Variants in LCTL observed in about 807,000 individuals in gnomAD.
LCTL encodes lactase like.
LCTL carries 76 observed loss-of-function variants against 75.8 expected under a neutral mutation model. The ratio of observed to expected loss-of-function variants is 1.00; its 90% CI spans 0.83 to 1.21. The LOEUF (loss-of-function observed/expected upper bound fraction) is 1.21. Among genes scored for constraint, LCTL ranks in the 50% most tolerant of loss-of-function variants. The probability of loss-of-function intolerance (pLI) is 0.00; values close to 1 mark genes in which losing one functional copy is unlikely to be tolerated. For synonymous variants in LCTL, 271 were observed against 268.8 expected (o/e 1.01, Z -0.08); for missense variants, 670 against 712.4 (o/e 0.94, Z 0.68).
chr15:66,560,409 G>A lies in LCTL; in HGVS notation c.705+597C>T, dbSNP rs577880432. Among the ~76,000 whole-genome samples, 494 of 152,114 alleles carry A rather than the reference G, an allele frequency of 3.2e-3. 2 individuals are homozygous for A. The highest frequency in any genetic ancestry group is 0.011 in the African/African-American group (477 of 41,506). ...CCTTCCTTCCTGCAGCATCTTCTCCGAATGGCCCCTTTACTCTCTTGTGTG... is the reference window on the plus strand; with the variant it reads ...CCTTCCTTCCTGCAGCATCTTCTCCAAATGGCCCCTTTACTCTCTTGTGTG... On this transcript the variant is annotated intron_variant, in intron 6 of 12. Transcript: ENST00000341509.
At chr15:66,563,794 C>T (rs1281126853) in intron 3 of LCTL, 117 bp downstream of exon 4, 7 of 899,692 alleles carry the variant, frequency 7.8e-6, no homozygotes, top group Middle Eastern at 2.6e-4. Context: ...GAGCTGCTAC[C>T]GTCAGCAACT....
chr15:66,564,481 T>C (rs1895971387), intron 2 of LCTL, 195 bp downstream of exon 3: 12 of 604,606 alleles, frequency 2.0e-5, no homozygotes, highest in South Asian at 1.9e-4. Flanking sequence ...CCTCACATCC[T>C]GGCCCCTCCC....
At chr15:66,565,274 G>A in exon 1 of LCTL, 1 of 1,613,088 alleles carries the variant, frequency 6.2e-7, no homozygotes, top group Non-Finnish European at 8.5e-7. Flanking sequence ...ATAGTAGAAG[G>A]AGGCCTCTTC....
At chr15:66,558,084 C>T in intron 6 of LCTL, 48 bp from the exon 8 acceptor site, 1 of 1,519,284 alleles carries the variant, frequency 6.6e-7, no homozygotes, top group Non-Finnish European at 8.9e-7. Flanking sequence ...CCATCCATTT[C>T]CTCCCTTTCA....
rs770238410 is a variant in LCTL, at chr15:66,564,644, C to T, written c.282+32G>A. On this transcript the variant is annotated intron_variant, in intron 2 of 12. Transcript: ENST00000341509. ...GTACTCACATGTGTGTGCACGCGCGCGCACACACACACACTCACACCCCGC... is the reference window on the plus strand; with the variant it reads ...GTACTCACATGTGTGTGCACGCGCGTGCACACACACACACTCACACCCCGC... 4.4e-5 allele frequency: 71 copies of T among 1,601,546 alleles called. 1 individual carries two copies. Among genetic ancestry groups the T allele is most frequent in the Middle Eastern group, 1.7e-4 (1 of 6,048 alleles).
At chr15:66,553,754 C>CAAAA (rs35718768) in intron 8 of LCTL, among the ~76,000 whole-genome samples, 1 of 73,064 alleles carries the variant, frequency 1.4e-5, no homozygotes, top group Non-Finnish European at 2.8e-5. Flanking sequence ...GACTCCATCT[C>CAAAA]AAAAAAAAAA....
At chr15:66,550,090 G>A in exon 12 of LCTL, 1 of 1,602,254 alleles carries the variant, frequency 6.2e-7, no homozygotes, top group Non-Finnish European at 8.5e-7. Flanking sequence ...AAGCTTTGAG[G>A]TACCAACTTT....
intron 12 of LCTL, 74 bp from the exon 14 acceptor site, chr15:66,548,679 G>T: frequency 1.4e-6 from 1 of 709,460 alleles, no homozygotes; most frequent in Non-Finnish European, 2.4e-6. Flanking sequence ...TATCCCAAAA[G>T]CTTTAACTGT....
chr15:66,559,201 A>G (rs1273976492), intron 6 of LCTL, among the ~76,000 whole-genome samples: 2 of 152,110 alleles, frequency 1.3e-5, no homozygotes, highest in Non-Finnish European at 2.9e-5. Flanking sequence ...CATTTATTAA[A>G]TTATTTTGAT....
chr15:66,565,499 G>T (rs1896005132), upstream of LCTL: 1 of 604,936 alleles, frequency 1.7e-6, no homozygotes, highest in Non-Finnish European at 2.9e-6. Context: ...CGCTTGATCT[G>T]CACCCAGCAG....
Position 66,552,035 on chromosome 15 carries a change from T to C in LCTL, c.1324+8A>G, listed in dbSNP as rs780816817. On this transcript the variant is annotated splice_region_variant and intron_variant, in intron 10 of 12. Coordinates refer to ENST00000341509, the Ensembl canonical transcript of LCTL. ...GAAAACTGCAGACAATCTTGGTTTGTGTCTCACCTTTTAGCATTTCATTTA... is the reference window on the plus strand; with the variant it reads ...GAAAACTGCAGACAATCTTGGTTTGCGTCTCACCTTTTAGCATTTCATTTA... The C allele has an allele frequency of 1.9e-6, 3 of 1,607,824 alleles. No individual in the cohort carries two copies. Among genetic ancestry groups the C allele is most frequent in the Non-Finnish European group, 2.5e-6 (3 of 1,178,014 alleles).
chr15:66,553,226 A>T, exon 9 of LCTL: 1 of 1,599,648 alleles, frequency 6.3e-7, no homozygotes, highest in South Asian at 1.1e-5. Context: ...GGTAACCTCG[A>T]CATCTCCAGG....
intron 8 of LCTL, among the ~76,000 whole-genome samples, chr15:66,555,496 G>A (rs147365787): frequency 0.012 from 1,861 of 151,678 alleles, 28 homozygotes; most frequent in African/African-American, 0.042. Flanking sequence ...AGCCGAGATC[G>A]CACCACTGCA....
Position 66,557,886 on chromosome 15 carries a change from TAAAAG to T in LCTL, c.761-8_761-4del, listed in dbSNP as rs1339568029. The T allele has an allele frequency of 2.5e-6, 4 of 1,613,290 alleles. No homozygotes were observed. The highest frequency in any genetic ancestry group is 3.4e-6 in the Non-Finnish European group (4 of 1,179,598). The stretch of plus-strand genomic sequence containing the variant: ...GTTCAATGAAATTCCCACCAGACCT[TAAAAG>T]AAAAGAAAGAAAAGGGAGTGGGGAG... On this transcript the variant is annotated splice_region_variant and splice_polypyrimidine_tract_variant and intron_variant, in intron 7 of 12. Coordinates refer to ENST00000341509, the Ensembl canonical transcript of LCTL.
intron 6 of LCTL, among the ~76,000 whole-genome samples, chr15:66,560,557 G>A (rs929516929): frequency 1.3e-5 from 2 of 152,066 alleles, no homozygotes; most frequent in African/African-American, 2.4e-5. Context: ...GCTCATTATC[G>A]CTGCTTCCAA....
intron 2 of LCTL, 124 bp from the exon 4 acceptor site, chr15:66,564,122 C>A: frequency 1.5e-6 from 1 of 686,322 alleles, no homozygotes. Context: ...GAAGAACCTG[C>A]TTCCTCACCT....
At position 66,565,240 on chromosome 15, in the gene LCTL, G is replaced by A; in HGVS notation, c.118+8C>T. The A allele has an allele frequency of 8.3e-6, 13 of 1,568,210 alleles. No homozygotes were observed. Among genetic ancestry groups the A allele is most frequent in the Non-Finnish European group, 1.1e-5 (13 of 1,138,278 alleles). On this transcript the variant is annotated splice_region_variant and intron_variant, in intron 1 of 12. Coordinates refer to ENST00000341509, the Ensembl canonical transcript of LCTL. ...CAGGCAGACAGACGAACAGAGGCGT[G>A]GCCGTACCAAGAGGGAAGGTTCCAT...
In LCTL at chr15:66,561,062, G is replaced by T. The variant is rs1207062521; in HGVS notation, c.649C>A (p.Pro217Thr). 1 of 1,614,192 alleles carries T rather than the reference G, an allele frequency of 6.2e-7. No homozygotes were observed. Residue 217 changes from proline to threonine, a missense_variant, in exon 6 of 13, where the codon CCG becomes ACG. Pro to Thr is a conservative substitution (Grantham distance 38). Transcript: ENST00000341509. ...CCGGTGCCGCGGAGCTTCAGGCCCG[G>T]CGCATGGTGGCCCGTCTCATAGCCT...
chr15:66,557,779 A>C (rs1348824253), exon 8 of LCTL: 10 of 1,614,068 alleles, frequency 6.2e-6, no homozygotes, highest in Non-Finnish European at 8.5e-6. Flanking sequence ...TTGGCAAACC[A>C]GCCCAGACAG....
Sources: allele counts gnomAD v4.1 joint callset (sites outside exome capture counted in the v4.1 genomes callset), GRCh38; gene constraint gnomAD v4.1.1; transcripts MANE v1.5; gene names NCBI Gene and HGNC (gene_info 2026-07-23, HGNC 2026-07-21).